Variants in PKHD1 observed in about 807,000 individuals in gnomAD.
PKHD1 encodes the protein PKHD1 ciliary IPT domain containing fibrocystin/polyductin.
In PKHD1, 291 loss-of-function variants were observed where a neutral mutation model predicts 412.0. The observed-to-expected ratio is 0.71, with a 90% CI of 0.64 to 0.78. The LOEUF (loss-of-function observed/expected upper bound fraction) is 0.78. PKHD1 is among the 30% of genes least tolerant of loss of function. The pLI, the probability that PKHD1 is intolerant of heterozygous loss-of-function variation, is 0.00. For missense variants in PKHD1, 4,825 were observed against 4,950.7 expected, an observed-to-expected ratio of 0.97 and a Z score of 0.76; for synonymous variants, 1,777 against 1,821.5, an observed-to-expected ratio of 0.98 and a Z score of 0.62.
At chr6:51,639,391 A>C (rs1769039664) in intron 63 of PKHD1, among the ~76,000 whole-genome samples, 1 of 152,046 alleles carries the variant, frequency 6.6e-6, no homozygotes, top group African/African-American at 2.4e-5. Context: ...TAAAGAAAGA[A>C]ATTCTATTAT....
intron 35 of PKHD1, among the ~76,000 whole-genome samples, chr6:51,982,291 G>A (rs1360471834): frequency 3.2e-5 from 2 of 62,332 alleles, no homozygotes; most frequent in Admixed American, 2.4e-4. Flanking sequence ...GCCCGGCCAC[G>A]ACCCCGTCTG....
intron 58 of PKHD1, 43 bp from the exon 59 acceptor site, chr6:51,746,932 A>C (rs551139423): frequency 1.4e-5 from 16 of 1,142,194 alleles, no homozygotes. Context: ...TATCATATAA[A>C]CCACCAGCCA....
chr6:51,767,431 C>T (rs1226590331), intron 55 of PKHD1, among the ~76,000 whole-genome samples: 2 of 151,992 alleles, frequency 1.3e-5, no homozygotes, highest in Non-Finnish European at 2.9e-5. Flanking sequence ...TGGTATGCTG[C>T]ACCCATTAAC....
chr6:52,050,202 G>C lies in PKHD1; in HGVS notation c.2234C>G (p.Ser745Cys), dbSNP rs753451635. ...VGSPPVYSVTSWLAGCGTELP... is the reference protein window; with the variant it reads ...VGSPPVYSVTCWLAGCGTELP... ...CTCCGTGCCACACCCCGCCAGCCAGGAGGTGACACTGTAGACCGGAGGGGA... is the reference window on the plus strand; with the variant it reads ...CTCCGTGCCACACCCCGCCAGCCAGCAGGTGACACTGTAGACCGGAGGGGA... The change falls in exon 22 of 67, where the codon TCC (serine) becomes TGC (cysteine). Residue 745 changes from serine (S) to cysteine (C), a missense_variant. Transcript: ENST00000371117. 3.1e-6 allele frequency: 5 copies of C among 1,614,220 alleles called. No homozygotes were observed. In the Admixed American group the frequency reaches 8.3e-5, roughly 27 times the overall value.
chr6:51,964,327 G>C lies in PKHD1; in HGVS notation c.5752-4301C>G, dbSNP rs144427152. On this transcript the variant is annotated intron_variant, in intron 35 of 66. Transcript: ENST00000371117. ...GAGGAGGTGGCGTATGGGAATCTCTGTAATCACAGTGTCTCCTGGCTGACA... is the reference window on the plus strand; with the variant it reads ...GAGGAGGTGGCGTATGGGAATCTCTCTAATCACAGTGTCTCCTGGCTGACA... 3.8e-3 allele frequency among the ~76,000 whole-genome samples: 580 copies of C among 152,208 alleles called. 6 individuals carry two copies. The highest frequency in any genetic ancestry group is 0.013 in the African/African-American group (551 of 41,534).
intron 60 of PKHD1, among the ~76,000 whole-genome samples, chr6:51,698,678 A>G (rs139574500): frequency 6.6e-5 from 10 of 152,218 alleles, no homozygotes; most frequent in African/African-American, 2.4e-4. Flanking sequence ...AAATAGTCCA[A>G]ATTTTCCTGG....
At chr6:51,706,833 T>C (rs1331870728) in intron 60 of PKHD1, among the ~76,000 whole-genome samples, 3 of 152,186 alleles carry the variant, frequency 2.0e-5, no homozygotes. Context: ...TTCTCTAAAG[T>C]TGAGCTCAGA....
At chr6:51,814,343 G>A (rs1466602865) in intron 52 of PKHD1, among the ~76,000 whole-genome samples, 4 of 152,186 alleles carry the variant, frequency 2.6e-5, no homozygotes, top group African/African-American at 7.2e-5. Context: ...ACTGCAAACA[G>A]CAAAACTTGG....
intron 65 of PKHD1, among the ~76,000 whole-genome samples, chr6:51,630,210 G>A (rs1276823521): frequency 6.6e-6 from 1 of 152,146 alleles, no homozygotes; most frequent in Non-Finnish European, 1.5e-5. Flanking sequence ...AAGTCTGGGT[G>A]CAGTAAGAAA....
intron 63 of PKHD1, among the ~76,000 whole-genome samples, chr6:51,646,382 A>C (rs371168958): frequency 7.9e-5 from 12 of 152,174 alleles, no homozygotes; most frequent in African/African-American, 2.9e-4. Context: ...GTGTGTTGGG[A>C]GATTGACTGC....
At chr6:51,698,949 C>T (rs963840109) in intron 60 of PKHD1, among the ~76,000 whole-genome samples, 5 of 152,120 alleles carry the variant, frequency 3.3e-5, no homozygotes, top group African/African-American at 1.2e-4. Context: ...TTCTACCTTT[C>T]CACCTCTCAG....
intron 43 of PKHD1, among the ~76,000 whole-genome samples, chr6:51,887,648 G>A (rs1173035632): frequency 2.6e-5 from 4 of 152,138 alleles, no homozygotes; most frequent in African/African-American, 4.8e-5. Context: ...TCTTGCCTCT[G>A]TTCCTGCCAT....
chr6:51,943,336 T>G (rs1788876914), intron 36 of PKHD1, among the ~76,000 whole-genome samples: 1 of 151,238 alleles, frequency 6.6e-6, no homozygotes, highest in African/African-American at 2.4e-5. Flanking sequence ...ACGCTCCTTT[T>G]TATTAGGCCC....
At chr6:51,891,545 C>T (rs1192355876) in intron 43 of PKHD1, among the ~76,000 whole-genome samples, 2 of 152,068 alleles carry the variant, frequency 1.3e-5, no homozygotes, top group Non-Finnish European at 2.9e-5. Flanking sequence ...TCCCAAAGTG[C>T]TGGGATTATA....
chr6:51,634,243 C>T (rs1171392932), intron 64 of PKHD1, among the ~76,000 whole-genome samples: 1 of 152,124 alleles, frequency 6.6e-6, no homozygotes, highest in Admixed American at 6.6e-5. Context: ...CTGGGCTGAA[C>T]CTGACAATTT....
chr6:52,035,500 C>G, intron 28 of PKHD1, 91 bp downstream of exon 28: 1 of 1,193,466 alleles, frequency 8.4e-7, no homozygotes, highest in Non-Finnish European at 1.3e-6. Flanking sequence ...TACATCAGTT[C>G]ATTTAGTTCT....
At chr6:52,083,881 C>A (rs916473129) in intron 2 of PKHD1, among the ~76,000 whole-genome samples, 4 of 151,958 alleles carry the variant, frequency 2.6e-5, no homozygotes, top group Admixed American at 2.6e-4. Context: ...AGAATGACTT[C>A]CCAAATGAAT....
intron 6 of PKHD1, among the ~76,000 whole-genome samples, chr6:52,074,597 GT>G (rs1811088948): frequency 6.6e-6 from 1 of 152,168 alleles, no homozygotes; most frequent in African/African-American, 2.4e-5. Flanking sequence ...ATTTCTGTGG[GT>G]TTTTGTTTTG....
At chr6:51,768,027 T>C (rs977635534) in intron 55 of PKHD1, among the ~76,000 whole-genome samples, 9 of 152,094 alleles carry the variant, frequency 5.9e-5, no homozygotes, top group African/African-American at 2.2e-4. Context: ...TGTGAGATGG[T>C]ATCTCATTGT....
Sources: gnomAD v4.1 joint callset for allele counts (sites outside exome capture counted in the v4.1 genomes callset) on GRCh38, gnomAD v4.1.1 for gene constraint, MANE v1.5 for transcripts, NCBI Gene and HGNC (gene_info 2026-07-23, HGNC 2026-07-21) for gene names.